Variants in CSMD1 observed in about 807,000 individuals in gnomAD.
The protein encoded by CSMD1 is CUB and sushi domain-containing protein 1.
In CSMD1, 213 loss-of-function variants were observed where a neutral mutation model predicts 417.5. The ratio of observed to expected loss-of-function variants is 0.51; its 90% CI spans 0.46 to 0.57. The LOEUF (loss-of-function observed/expected upper bound fraction) is 0.57, where lower values mean the gene tolerates loss of function less well. CSMD1 is among the 20% of genes least tolerant of loss of function. CSMD1 has a pLI of 0.00. For synonymous variants in CSMD1, 2,862 were observed against 1,736.8 expected (o/e 1.65, Z -16.11); for missense variants, 6,923 against 4,529.7 (o/e 1.53, Z -15.17).
At chr8:3,498,572 T>C (rs1282680138) in intron 10 of CSMD1, among the ~76,000 whole-genome samples, 1 of 152,220 alleles carries the variant, frequency 6.6e-6, no homozygotes, top group African/African-American at 2.4e-5. Context: ...TTTCAGCTGT[T>C]ATTTTATTAT....
At chr8:4,149,308 T>G (rs750699886) in intron 3 of CSMD1, among the ~76,000 whole-genome samples, 2 of 152,300 alleles carry the variant, frequency 1.3e-5, no homozygotes, top group Non-Finnish European at 2.9e-5. Flanking sequence ...AGCTTTCACA[T>G]ATTCACTGAG....
chr8:3,794,026 A>G (rs1036018874), intron 5 of CSMD1, among the ~76,000 whole-genome samples: 1 of 152,124 alleles, frequency 6.6e-6, no homozygotes, highest in Non-Finnish European at 1.5e-5. Flanking sequence ...TAGACAGACG[A>G]AAGACTTGCT....
chr8:4,700,319 T>C (rs898946641), intron 1 of CSMD1, among the ~76,000 whole-genome samples: 2 of 151,928 alleles, frequency 1.3e-5, no homozygotes, highest in Non-Finnish European at 2.9e-5. Context: ...TAAAGGATTA[T>C]TTTATCATTA....
At chr8:4,635,595 C>T (rs547229470) in intron 2 of CSMD1, among the ~76,000 whole-genome samples, 1 of 152,026 alleles carries the variant, frequency 6.6e-6, no homozygotes, top group African/African-American at 2.4e-5. Context: ...ATAATTTTAA[C>T]GTAGAGTCAC....
At chr8:4,196,130 G>C (rs1186988998) in intron 3 of CSMD1, among the ~76,000 whole-genome samples, 1 of 152,092 alleles carries the variant, frequency 6.6e-6, no homozygotes, top group African/African-American at 2.4e-5. Flanking sequence ...AGAATGGCTT[G>C]AACCCGGGAA....
At chr8:3,292,810 C>T (rs915331243) in intron 25 of CSMD1, among the ~76,000 whole-genome samples, 10 of 151,934 alleles carry the variant, frequency 6.6e-5, no homozygotes, top group Admixed American at 6.6e-5. Flanking sequence ...TTAATTGGAG[C>T]ATTTAGCCCA....
At chr8:4,969,265 A>C (rs539708151) in intron 1 of CSMD1, among the ~76,000 whole-genome samples, 1 of 152,182 alleles carries the variant, frequency 6.6e-6, no homozygotes, top group South Asian at 2.1e-4. Context: ...TATAAGAATT[A>C]CTTAGGCATT....
intron 7 of CSMD1, among the ~76,000 whole-genome samples, chr8:3,628,589 G>A (rs923729721): frequency 6.6e-6 from 1 of 152,204 alleles, no homozygotes; most frequent in Non-Finnish European, 1.5e-5. Flanking sequence ...GGGCATCATG[G>A]CAAGTGCAGG....
intron 4 of CSMD1, among the ~76,000 whole-genome samples, chr8:4,030,153 C>G (rs998546474): frequency 6.6e-6 from 1 of 152,154 alleles, no homozygotes; most frequent in Non-Finnish European, 1.5e-5. Flanking sequence ...GTCAGTGGAT[C>G]TACCATTCTG....
chr8:3,140,241 T>C (rs1325455173), intron 41 of CSMD1, among the ~76,000 whole-genome samples: 1 of 152,096 alleles, frequency 6.6e-6, no homozygotes, highest in Non-Finnish European at 1.5e-5. Flanking sequence ...TTCTCTTCCA[T>C]TGAAAAAGAG....
chr8:4,949,259 A>C (rs1266945204), intron 1 of CSMD1, among the ~76,000 whole-genome samples: 9 of 152,030 alleles, frequency 5.9e-5, no homozygotes, highest in Non-Finnish European at 1.5e-5. Context: ...CATAAATGAG[A>C]GTGGCCTGGG....
At chr8:2,991,856 T>G (rs1806415516) in intron 54 of CSMD1, among the ~76,000 whole-genome samples, 1 of 152,184 alleles carries the variant, frequency 6.6e-6, no homozygotes, top group Non-Finnish European at 1.5e-5. Flanking sequence ...AAATTCCACC[T>G]ATTACAAAGA....
chr8:4,901,500 C>T, intron 1 of CSMD1, among the ~76,000 whole-genome samples: 1 of 151,762 alleles, frequency 6.6e-6, no homozygotes, highest in Non-Finnish European at 1.5e-5. Flanking sequence ...GTTTTTCCAT[C>T]TTTGTGAGCT....
chr8:3,920,535 G>C (rs1165498310), intron 5 of CSMD1, among the ~76,000 whole-genome samples: 1 of 152,104 alleles, frequency 6.6e-6, no homozygotes, highest in Non-Finnish European at 1.5e-5. Flanking sequence ...TTTGGCACGA[G>C]TAGGCAACTT....
At chr8:4,332,141 G>C (rs1446801508) in intron 3 of CSMD1, among the ~76,000 whole-genome samples, 1 of 152,076 alleles carries the variant, frequency 6.6e-6, no homozygotes, top group Non-Finnish European at 1.5e-5. Flanking sequence ...TGATGAAAAT[G>C]TCAAGTTGCT....
At chr8:4,124,499 G>T (rs1361466047) in intron 3 of CSMD1, among the ~76,000 whole-genome samples, 1 of 152,166 alleles carries the variant, frequency 6.6e-6, no homozygotes, top group Non-Finnish European at 1.5e-5. Flanking sequence ...ATCACCAACT[G>T]CCCCTTGAGT....
chr8:3,362,263 G>A (rs1479805943), intron 20 of CSMD1, among the ~76,000 whole-genome samples: 1 of 152,170 alleles, frequency 6.6e-6, no homozygotes, highest in South Asian at 2.1e-4. Context: ...AGTGTTGGGT[G>A]TACCTTCCAT....
At chr8:3,215,355 A>C (rs894945616) in intron 29 of CSMD1, among the ~76,000 whole-genome samples, 2 of 152,236 alleles carry the variant, frequency 1.3e-5, no homozygotes, top group Non-Finnish European at 2.9e-5. Flanking sequence ...ATGTACTAAC[A>C]GCCAATAGTT....
chr8:3,956,559 T>G (rs2129935152), intron 5 of CSMD1, among the ~76,000 whole-genome samples: 1 of 152,326 alleles, frequency 6.6e-6, no homozygotes, highest in South Asian at 2.1e-4. Context: ...ATCAAATACT[T>G]AATATGTATC....
Sources: gnomAD v4.1 joint callset for allele counts (sites outside exome capture counted in the v4.1 genomes callset) on GRCh38, gnomAD v4.1.1 for gene constraint, MANE v1.5 for transcripts, NCBI Gene and HGNC (gene_info 2026-07-23, HGNC 2026-07-21) for gene names.